The following ZZEF1 variants were observed in gnomAD, a reference collection of about 807,000 sequenced individuals.
ZZEF1 encodes zinc finger ZZ-type and EF-hand domain containing 1.
A neutral mutation model predicts 342.8 loss-of-function variants in ZZEF1; 157 were observed. The ratio of observed to expected loss-of-function variants is 0.46; its 90% CI spans 0.40 to 0.52. The LOEUF (loss-of-function observed/expected upper bound fraction) is 0.52, where lower values mean the gene tolerates loss of function less well. ZZEF1 is among the 20% of genes least tolerant of loss of function. The pLI is 0.00. For missense variants in ZZEF1, 3,480 were observed against 3,725.6 expected, an observed-to-expected ratio of 0.93 and a Z score of 1.72; for synonymous variants, 1,505 against 1,429.1, an observed-to-expected ratio of 1.05 and a Z score of -1.20.
intron 6 of ZZEF1, among the ~76,000 whole-genome samples, chr17:4,108,949 C>T (rs1364769690): frequency 1.3e-5 from 2 of 152,184 alleles, no homozygotes; most frequent in Admixed American, 6.5e-5. Context: ...CTCTCACCGC[C>T]TACACTATAG....
At chr17:4,062,659 T>A in intron 30 of ZZEF1, 94 bp downstream of exon 30, 1 of 1,357,038 alleles carries the variant, frequency 7.4e-7, no homozygotes, top group South Asian at 1.5e-5. Flanking sequence ...GTATCCTACA[T>A]AGAAATGATG....
intron 30 of ZZEF1, 151 bp downstream of exon 30, chr17:4,062,602 C>T: frequency 5.9e-6 from 5 of 846,318 alleles, no homozygotes; most frequent in Non-Finnish European, 7.0e-6. Context: ...GGATATAACC[C>T]ATCTTTCCTT....
chr17:4,081,692 C>G (rs2057726960), intron 17 of ZZEF1, among the ~76,000 whole-genome samples: 1 of 152,180 alleles, frequency 6.6e-6, no homozygotes. Flanking sequence ...AGCACAGACT[C>G]ACAAATCCTC....
At position 4,047,819 on chromosome 17, in the gene ZZEF1, T is replaced by C. The variant is rs923556419; in HGVS notation, c.6015+1889A>G. ...AGCTGGGCGTGGTGGTGGGCGCCTG[T>C]AGTCCCAGTTACTTGAGAGGCTGAG... On this transcript the variant is annotated intron_variant, in intron 37 of 54. Transcript: ENST00000381638. Among the ~76,000 whole-genome samples the C allele has an allele frequency of 5.0e-5, 7 of 139,110 alleles. No individual in the cohort carries two copies. The Admixed American group carries it at 5.2e-4, about 10-fold the overall frequency. The allele number at this position is 139,110 out of a possible 152,430, so 91.3% of individuals were successfully genotyped here.
Position 4,076,907 on chromosome 17 carries a change from T to G in ZZEF1, c.3072A>C (p.Arg1024Ser). The change falls in exon 20 of 55, where the codon AGA (arginine) becomes AGC (serine). Residue 1024 changes from arginine (R) to serine (S), a missense_variant. By Grantham distance (110) the Arg-to-Ser change is moderately radical. Around this residue, in one of 5 missense-constraint regions of ZZEF1, gnomAD observed 1,528 missense variants for 1,624.1 expected, o/e 0.94. Coordinates refer to ENST00000381638, the MANE Select transcript of ZZEF1 (RefSeq NM_015113.4). ...SQYSGKTIVE[R>S]LCNSVFSMAA... The stretch of plus-strand genomic sequence containing the variant: ...CCATTGAAAACACTGAGTTACATAA[T>G]CTTTCTACTATGGTTTTTCCACTGT... 6.2e-7 allele frequency: 1 copy of G among 1,614,196 alleles called. No homozygotes were observed. Among genetic ancestry groups the G allele is most frequent in the Non-Finnish European group, 8.5e-7 (1 of 1,180,034 alleles).
At chr17:4,071,816 CG>C (rs1024967817) in intron 25 of ZZEF1, among the ~76,000 whole-genome samples, 4 of 151,620 alleles carry the variant, frequency 2.6e-5, no homozygotes, top group Non-Finnish European at 5.9e-5. Context: ...GTACTTGGAG[CG>C]GGGAGAAAAC....
At chr17:4,114,935 T>C (rs1376671155) in intron 3 of ZZEF1, among the ~76,000 whole-genome samples, 3 of 152,244 alleles carry the variant, frequency 2.0e-5, no homozygotes, top group African/African-American at 7.2e-5. Flanking sequence ...AGTTAATTCA[T>C]ACATTTTCTA....
At chr17:4,066,638 A>G in intron 27 of ZZEF1, 98 bp from the exon 28 acceptor site, 1 of 979,960 alleles carries the variant, frequency 1.0e-6, no homozygotes, top group South Asian at 1.3e-5. Context: ...CTGACACCAC[A>G]GAGTACTTCA....
intron 37 of ZZEF1, among the ~76,000 whole-genome samples, chr17:4,048,041 G>A (rs1246872112): frequency 6.6e-6 from 1 of 152,070 alleles, no homozygotes; most frequent in Non-Finnish European, 1.5e-5. Context: ...AAGGATAAAC[G>A]GGGAAGCACA....
intron 15 of ZZEF1, 71 bp from the exon 16 acceptor site, chr17:4,085,874 C>G: frequency 6.4e-7 from 1 of 1,570,382 alleles, no homozygotes; most frequent in Non-Finnish European, 8.7e-7. Flanking sequence ...CTATAACTAG[C>G]CTATAAATTC....
At chr17:4,034,371 C>T (rs906542342) in intron 39 of ZZEF1, 79 bp from the exon 40 acceptor site, 18 of 1,479,448 alleles carry the variant, frequency 1.2e-5, no homozygotes, top group African/African-American at 2.8e-5. Context: ...CTCCCTCCTA[C>T]CTTATTTACA....
chr17:4,089,265 A>G (rs957819632), intron 12 of ZZEF1, among the ~76,000 whole-genome samples: 1 of 152,184 alleles, frequency 6.6e-6, no homozygotes, highest in Non-Finnish European at 1.5e-5. Flanking sequence ...AAAGCCCCCA[A>G]GTGATATAGG....
chr17:4,042,510 T>G lies in ZZEF1; in HGVS notation c.6225A>C (p.Pro2075=), dbSNP rs2056824278. ...ACTCAGCAAACACTTGCTCAGGGCT[T>G]GGAGTAACTGCTTTTTCCTCTATGG... is the stretch of plus-strand genomic sequence containing the variant. ...QKPIEEKAVT[P]SPEQVFAECS... is the part of the protein sequence containing the mutation. The change falls in exon 39 of 55, where the codon CCA becomes CCC. Residue 2075 remains proline (P), a synonymous_variant. Transcript: ENST00000381638. 1 of 1,614,028 alleles carries G rather than the reference T, an allele frequency of 6.2e-7. No individual in the cohort carries two copies. The highest frequency in any genetic ancestry group is 2.2e-5 in the East Asian group (1 of 44,896).
chr17:4,017,239 G>A lies in ZZEF1; in HGVS notation c.8001+132C>T, dbSNP rs2056130071. 2.2e-5 allele frequency: 28 copies of A among 1,289,416 alleles called. No individual in the cohort carries two copies. The South Asian group carries it at 4.1e-4, about 19-fold the overall frequency. 79.9% of individuals were successfully genotyped at this position (1,289,416 alleles called of 1,614,324 possible). ...GAGAGGATACAGTGACCCTACCTTT[G>A]CTGCATTCACACCTGTCAGGGAGCT... On this transcript the variant is annotated intron_variant, in intron 48 of 54. Coordinates refer to ENST00000381638, the MANE Select transcript of ZZEF1 (RefSeq NM_015113.4). The surrounding 1 kb of genome is among the most constrained non-coding windows in gnomAD (Gnocchi z 5.1).
At chr17:4,118,332 G>A (rs1179588338) in intron 2 of ZZEF1, among the ~76,000 whole-genome samples, 1 of 152,176 alleles carries the variant, frequency 6.6e-6, no homozygotes, top group African/African-American at 2.4e-5. Flanking sequence ...ATAGTCCAAT[G>A]TTCAGTTTCT....
At chr17:4,080,075 T>C (rs2057693695) in intron 18 of ZZEF1, among the ~76,000 whole-genome samples, 1 of 152,134 alleles carries the variant, frequency 6.6e-6, no homozygotes, top group South Asian at 2.1e-4. Context: ...TCGGGGTGCT[T>C]AGAAAAATGC....
intron 15 of ZZEF1, 55 bp from the exon 16 acceptor site, chr17:4,085,858 C>A: frequency 3.1e-6 from 5 of 1,601,356 alleles, no homozygotes. Flanking sequence ...TTCGCTTATA[C>A]ATCTGCTATA....
At chr17:4,077,344 T>C (rs145416829) in intron 19 of ZZEF1, among the ~76,000 whole-genome samples, 7 of 152,320 alleles carry the variant, frequency 4.6e-5, no homozygotes, top group Middle Eastern at 3.4e-3. Flanking sequence ...AAGCTCTAGG[T>C]GGCAGGACCC....
chr17:4,043,746 A>T (rs963684577), intron 38 of ZZEF1, among the ~76,000 whole-genome samples: 1 of 152,100 alleles, frequency 6.6e-6, no homozygotes, highest in African/African-American at 2.4e-5. Flanking sequence ...GCCCATCCCT[A>T]TTGCAGATCC....
Sources: gnomAD v4.1 joint callset for allele counts (sites outside exome capture counted in the v4.1 genomes callset) on GRCh38, gnomAD v4.1.1 for gene constraint, gnomAD v4.1.1 regional missense constraint, Gnocchi (gnomAD v3.1) non-coding constraint, MANE v1.5 for transcripts, NCBI Gene and HGNC (gene_info 2026-07-23, HGNC 2026-07-21) for gene names.